XKR4: variants seen among roughly 807,000 people sequenced by gnomAD.
The protein encoded by XKR4 is XK-related protein 4.
XKR4 carries 12 observed loss-of-function variants against 53.9 expected under a neutral mutation model. The observed-to-expected ratio is 0.22, with a 90% CI of 0.14 to 0.36. The LOEUF is 0.36. Ranked by LOEUF, XKR4 falls within the 10% of genes least tolerant of loss-of-function variation. The pLI, the probability that XKR4 is intolerant of heterozygous loss-of-function variation, is 1.00. For missense variants in XKR4, 799 were observed against 859.5 expected (o/e 0.93, Z 0.88); for synonymous variants, 354 against 362.4 (o/e 0.98, Z 0.26).
intron 1 of XKR4, among the ~76,000 whole-genome samples, chr8:55,256,147 CT>C (rs914305191): frequency 6.6e-6 from 1 of 151,934 alleles, no homozygotes; most frequent in Non-Finnish European, 1.5e-5. Context: ...GAAAAGGATA[CT>C]TCACAAAATT....
intron 2 of XKR4, among the ~76,000 whole-genome samples, chr8:55,441,507 C>T (rs1354170396): frequency 1.3e-5 from 2 of 152,034 alleles, no homozygotes; most frequent in African/African-American, 4.8e-5. Context: ...TAAGCTTGAT[C>T]TAACAATGGA....
intron 2 of XKR4, chr8:55,453,999 G>A: frequency 1.2e-6 from 1 of 856,478 alleles, no homozygotes; most frequent in Non-Finnish European, 1.9e-6. Context: ...CGGATGACAG[G>A]CTCCGGGTGA....
intron 2 of XKR4, among the ~76,000 whole-genome samples, chr8:55,377,780 G>A (rs569459400): frequency 1.1e-4 from 17 of 152,230 alleles, no homozygotes; most frequent in African/African-American, 2.6e-4. Context: ...CTGTGCCTGC[G>A]CCTTGTGAAT....
intron 1 of XKR4, among the ~76,000 whole-genome samples, chr8:55,300,667 G>C (rs1029211682): frequency 1.3e-5 from 2 of 152,140 alleles, no homozygotes; most frequent in African/African-American, 4.8e-5. Flanking sequence ...TGCGGAAATA[G>C]CCCTAAAGGG....
intron 1 of XKR4, among the ~76,000 whole-genome samples, chr8:55,119,074 A>G (rs1394675835): frequency 6.6e-6 from 1 of 152,208 alleles, no homozygotes; most frequent in African/African-American, 2.4e-5. Context: ...GCCTTCACTC[A>G]TTCATTTAAT....
intron 1 of XKR4, among the ~76,000 whole-genome samples, chr8:55,206,966 G>A (rs894646743): frequency 1.3e-5 from 2 of 152,178 alleles, no homozygotes; most frequent in African/African-American, 4.8e-5. Context: ...ACCCTGCCCC[G>A]CGGCATAGTC....
intron 2 of XKR4, among the ~76,000 whole-genome samples, chr8:55,463,148 C>T (rs1468432224): frequency 1.3e-5 from 2 of 152,166 alleles, no homozygotes; most frequent in Non-Finnish European, 2.9e-5. Flanking sequence ...ACAGAACTCT[C>T]CACCCCAAAT....
At chr8:55,470,010 G>T (rs1296509404) in intron 2 of XKR4, among the ~76,000 whole-genome samples, 1 of 151,498 alleles carries the variant, frequency 6.6e-6, no homozygotes, top group Non-Finnish European at 1.5e-5. Flanking sequence ...AATAAGAAGT[G>T]CCATGATAGA....
At chr8:55,120,076 C>A (rs1469231873) in intron 1 of XKR4, among the ~76,000 whole-genome samples, 5 of 152,144 alleles carry the variant, frequency 3.3e-5, no homozygotes, top group Non-Finnish European at 7.3e-5. Flanking sequence ...GTGTGCAAGT[C>A]AGAAGGAGGG....
chr8:55,278,651 A>G (rs757389180), intron 1 of XKR4, among the ~76,000 whole-genome samples: 6 of 152,224 alleles, frequency 3.9e-5, no homozygotes, highest in Non-Finnish European at 7.3e-5. Flanking sequence ...AATAGATTAC[A>G]TATAATAAGT....
At chr8:55,329,506 A>G (rs1037137823) in intron 1 of XKR4, among the ~76,000 whole-genome samples, 2 of 152,154 alleles carry the variant, frequency 1.3e-5, no homozygotes, top group Admixed American at 6.6e-5. Flanking sequence ...CCTGGTCTAC[A>G]TAAATATTCT....
intron 1 of XKR4, among the ~76,000 whole-genome samples, chr8:55,136,997 A>T (rs889152137): frequency 6.6e-6 from 1 of 152,196 alleles, no homozygotes; most frequent in African/African-American, 2.4e-5. Flanking sequence ...TCTGCTGAGG[A>T]CAGAACTGGA....
chr8:55,382,329 A>G (rs1023925987), intron 2 of XKR4, among the ~76,000 whole-genome samples: 2 of 152,260 alleles, frequency 1.3e-5, no homozygotes, highest in Non-Finnish European at 2.9e-5. Flanking sequence ...TTTTTAAACA[A>G]CCACTTTTCA....
At chr8:55,127,683 G>T (rs529638436) in intron 1 of XKR4, among the ~76,000 whole-genome samples, 4,675 of 117,756 alleles carry the variant, frequency 0.04, 239 homozygotes, top group African/African-American at 0.12. Context: ...CTGCACCCAT[G>T]AACTCGTCAT....
intron 2 of XKR4, among the ~76,000 whole-genome samples, chr8:55,398,223 T>G (rs1036609969): frequency 3.3e-5 from 5 of 152,152 alleles, no homozygotes; most frequent in African/African-American, 1.2e-4. Flanking sequence ...GAAGTAGACC[T>G]GACCCCACAC....
chr8:55,157,656 T>C (rs1010270726), intron 1 of XKR4, among the ~76,000 whole-genome samples: 7 of 152,186 alleles, frequency 4.6e-5, no homozygotes. Flanking sequence ...GTAGTTTTTT[T>C]TATTCTCACC....
At chr8:55,180,412 T>C (rs1463848638) in intron 1 of XKR4, among the ~76,000 whole-genome samples, 1 of 152,264 alleles carries the variant, frequency 6.6e-6, no homozygotes, top group Non-Finnish European at 1.5e-5. Context: ...CAACTTTATT[T>C]GAGAGATAAC....
intron 2 of XKR4, among the ~76,000 whole-genome samples, chr8:55,464,662 AGGG>A (rs1805726790): frequency 6.6e-6 from 1 of 152,164 alleles, no homozygotes; most frequent in African/African-American, 2.4e-5. Flanking sequence ...AAGGAAATAA[AGGG>A]TATTCAATTA....
At chr8:55,451,758 G>T in intron 2 of XKR4, 2 of 1,135,350 alleles carry the variant, frequency 1.8e-6, no homozygotes, top group Non-Finnish European at 2.6e-6. Context: ...CCCGGCTCAG[G>T]CGGCTGCTCA....
Sources: gnomAD v4.1 joint callset for allele counts (sites outside exome capture counted in the v4.1 genomes callset) on GRCh38, gnomAD v4.1.1 for gene constraint, MANE v1.5 for transcripts, NCBI Gene and HGNC (gene_info 2026-07-23, HGNC 2026-07-21) for gene names.